The following GPR39 variants were observed in gnomAD, a reference collection of about 807,000 sequenced individuals.
GPR39 encodes the protein G protein-coupled receptor 39.
GPR39 carries 23 observed loss-of-function variants against 18.4 expected under a neutral mutation model. The observed-to-expected ratio is 1.25, with a 90% CI of 0.90 to 1.77. The LOEUF (loss-of-function observed/expected upper bound fraction) is 1.77, where lower values mean the gene tolerates loss of function less well. GPR39 is among the 40% of genes most tolerant of loss of function. GPR39 has a pLI of 0.00. For synonymous variants in GPR39, 280 were observed against 257.9 expected, an observed-to-expected ratio of 1.09 and a Z score of -0.82; for missense variants, 647 against 602.4, an observed-to-expected ratio of 1.07 and a Z score of -0.78.
chr2:132,613,261 C>T (rs1336624499), intron 1 of GPR39, among the ~76,000 whole-genome samples: 3 of 152,130 alleles, frequency 2.0e-5, no homozygotes, highest in Non-Finnish European at 2.9e-5. Context: ...CTAGCTCTGT[C>T]GCACTCCATG....
At chr2:132,493,026 A>G (rs1314675116) in intron 1 of GPR39, among the ~76,000 whole-genome samples, 2 of 137,230 alleles carry the variant, frequency 1.5e-5, no homozygotes, top group African/African-American at 5.7e-5. Flanking sequence ...TATACTATAT[A>G]TATACCATAT....
intron 1 of GPR39, among the ~76,000 whole-genome samples, chr2:132,631,139 T>C (rs1313183801): frequency 6.6e-6 from 1 of 152,016 alleles, no homozygotes; most frequent in South Asian, 2.1e-4. Flanking sequence ...CTCCTGGAGG[T>C]GCTCTGCCAT....
intron 1 of GPR39, among the ~76,000 whole-genome samples, chr2:132,449,849 G>T (rs1680602398): frequency 6.6e-6 from 1 of 152,080 alleles, no homozygotes; most frequent in African/African-American, 2.4e-5. Context: ...TAGGCCCAAA[G>T]GGGTCTCACT....
intron 1 of GPR39, among the ~76,000 whole-genome samples, chr2:132,614,347 C>T (rs978924519): frequency 6.6e-6 from 1 of 151,774 alleles, no homozygotes; most frequent in Non-Finnish European, 1.5e-5. Flanking sequence ...GCTGGGACTA[C>T]AGGTGCATGC....
At chr2:132,493,230 C>G (rs1681544702) in intron 1 of GPR39, among the ~76,000 whole-genome samples, 1 of 140,966 alleles carries the variant, frequency 7.1e-6, no homozygotes, top group African/African-American at 2.7e-5. Context: ...CATATATACA[C>G]CATATATATA....
chr2:132,612,629 G>A (rs1681256039), intron 1 of GPR39, among the ~76,000 whole-genome samples: 1 of 152,140 alleles, frequency 6.6e-6, no homozygotes, highest in Non-Finnish European at 1.5e-5. Flanking sequence ...AAGTGTCACT[G>A]TGCCATAAAT....
intron 1 of GPR39, among the ~76,000 whole-genome samples, chr2:132,562,362 A>G (rs760162125): frequency 7.2e-5 from 11 of 152,206 alleles, no homozygotes; most frequent in Non-Finnish European, 1.2e-4. Context: ...CATGTTATAC[A>G]AGCCTTTTTG....
At chr2:132,434,606 C>T (rs1022134506) in intron 1 of GPR39, among the ~76,000 whole-genome samples, 1 of 152,134 alleles carries the variant, frequency 6.6e-6, no homozygotes, top group Non-Finnish European at 1.5e-5. Context: ...AGTCTCATTA[C>T]ACGTGGTACT....
Position 132,645,451 on chromosome 2 carries a change from A to G in GPR39, c.1207A>G (p.Arg403Gly). Residue 403 changes from arginine (R) to glycine (G), a missense_variant, in exon 2 of 2, where the codon AGG becomes GGG. Physicochemically the swap from Arg to Gly is moderately radical, Grantham distance 125 (BLOSUM62 -2). Coordinates refer to ENST00000329321, the MANE Select transcript of GPR39 (RefSeq NM_001508.3). ...LFASRRQSSA[R>G]RTEKIFLSTF... ...CGCGTCCCGGCGCCAGTCCTCTGCA[A>G]GGAGAACTGAGAAGATTTTCTTAAG... 1 of 1,613,260 alleles carries G rather than the reference A, an allele frequency of 6.2e-7. No homozygotes were observed. Among genetic ancestry groups the G allele is most frequent in the East Asian group, 2.2e-5 (1 of 44,868 alleles).
At position 132,645,420 on chromosome 2, in the gene GPR39, G is replaced by A. The variant is rs769121231; in HGVS notation, c.1176G>A (p.Leu392=). ...GCGCCCGCTTTGTGCAGCGCCCGTTGCTCTTCGCGTCCCGGCGCCAGTCCT... is the reference window on the plus strand; with the variant it reads ...GCGCCCGCTTTGTGCAGCGCCCGTTACTCTTCGCGTCCCGGCGCCAGTCCT... The part of the protein sequence containing the change: ...TDSARFVQRP[L]LFASRRQSSA... Residue 392 remains leucine, a synonymous_variant, in exon 2 of 2, where the codon TTG becomes TTA. Coordinates refer to ENST00000329321, the MANE Select transcript of GPR39 (RefSeq NM_001508.3). The A allele has an allele frequency of 1.5e-5, 25 of 1,613,374 alleles. No individual in the cohort carries two copies. Among genetic ancestry groups the A allele is most frequent in the Non-Finnish European group, 2.0e-5 (24 of 1,180,046 alleles).
chr2:132,481,573 T>C (rs1371632965), intron 1 of GPR39, among the ~76,000 whole-genome samples: 1 of 152,222 alleles, frequency 6.6e-6, no homozygotes. Context: ...TTACTGATAT[T>C]TGTGAGCAAA....
intron 1 of GPR39, among the ~76,000 whole-genome samples, chr2:132,619,848 CACACACACAG>C (rs778061141): frequency 0.02 from 2,863 of 141,300 alleles, 37 homozygotes; most frequent in African/African-American, 0.048. Flanking sequence ...CACACACACA[CACACACACAG>C]ACACACACAC....
chr2:132,593,203 C>T (rs1280950310), intron 1 of GPR39, among the ~76,000 whole-genome samples: 1 of 152,164 alleles, frequency 6.6e-6, no homozygotes, highest in Non-Finnish European at 1.5e-5. Flanking sequence ...GGAAGCTCAC[C>T]TAAGCTTCAG....
intron 1 of GPR39, among the ~76,000 whole-genome samples, chr2:132,595,187 TG>T (rs1379373716): frequency 8.5e-5 from 13 of 152,122 alleles, no homozygotes; most frequent in East Asian, 1.9e-4. Context: ...TTAGTAGAGA[TG>T]GGGGTTTCAC....
At chr2:132,421,451 TACA>T (rs1680006686) in intron 1 of GPR39, among the ~76,000 whole-genome samples, 1 of 152,078 alleles carries the variant, frequency 6.6e-6, no homozygotes, top group Admixed American at 6.6e-5. Flanking sequence ...AAAAAGATTT[TACA>T]GACAGTCATG....
At chr2:132,528,310 C>A (rs911265927) in intron 1 of GPR39, among the ~76,000 whole-genome samples, 6 of 152,168 alleles carry the variant, frequency 3.9e-5, no homozygotes, top group African/African-American at 1.4e-4. Context: ...GGTACAAGTA[C>A]CATGCTGTTC....
In GPR39 at chr2:132,560,910, GT is replaced by G. The variant is rs530079430; in HGVS notation, c.857-84185del. ...ATTTTGTTTTTTTTTGTTTTGTTTTGTTTTTTGCTTTTTTTTTTTGAGATGG... is the reference window on the plus strand; with the variant it reads ...ATTTTGTTTTTTTTTGTTTTGTTTTGTTTTTGCTTTTTTTTTTTGAGATGG... On this transcript the variant is annotated intron_variant, in intron 1 of 1. Coordinates refer to ENST00000329321, the MANE Select transcript of GPR39 (RefSeq NM_001508.3). Among the ~76,000 whole-genome samples the G allele has an allele frequency of 1.5e-3, 220 of 143,808 alleles. 1 individual carries two copies. The highest frequency in any genetic ancestry group is 5.5e-3 in the African/African-American group (212 of 38,840). 94.3% of individuals were successfully genotyped at this position (143,808 alleles called of 152,430 possible). A position where few individuals can be genotyped will look rare whatever the true frequency, so the allele number is the denominator to read the frequency against.
intron 1 of GPR39, among the ~76,000 whole-genome samples, chr2:132,578,658 A>G (rs1358151824): frequency 6.6e-6 from 1 of 152,182 alleles, no homozygotes; most frequent in African/African-American, 2.4e-5. Context: ...TGTGTTTCTA[A>G]ATAGACTTAA....
In GPR39 at chr2:132,417,665, C is replaced by T. The variant is rs759193464; in HGVS notation, c.623C>T (p.Ser208Phe). ...HHEQPETSNMSICTNLSSRWT... is the reference protein window; with the variant it reads ...HHEQPETSNMFICTNLSSRWT... ...GAGCAGCCCGAGACCTCCAATATGT[C>T]CATCTGTACCAACCTCTCCAGCCGC... Residue 208 changes from serine to phenylalanine, a missense_variant, in exon 1 of 2, where the codon TCC becomes TTC. Physicochemically the swap from Ser to Phe is radical, Grantham distance 155 (BLOSUM62 -2). Coordinates refer to ENST00000329321, the MANE Select transcript of GPR39 (RefSeq NM_001508.3). 1 of 1,614,190 alleles carries T rather than the reference C, an allele frequency of 6.2e-7. No individual in the cohort carries two copies. Among genetic ancestry groups the T allele is most frequent in the Admixed American group, 1.7e-5 (1 of 60,026 alleles).
Sources: allele counts gnomAD v4.1 joint callset (sites outside exome capture counted in the v4.1 genomes callset), GRCh38; gene constraint gnomAD v4.1.1; transcripts MANE v1.5; gene names NCBI Gene and HGNC (gene_info 2026-07-23, HGNC 2026-07-21).